The following CPEB3 variants were observed in gnomAD, a reference collection of about 807,000 sequenced individuals.
The protein encoded by CPEB3 is cytoplasmic polyadenylation element-binding protein 3.
CPEB3 carries 20 observed loss-of-function variants against 67.2 expected under a neutral mutation model. The observed-to-expected ratio is 0.30, with a 90% CI of 0.21 to 0.43. The LOEUF is 0.43. Among genes scored for constraint, CPEB3 ranks in the 20% least tolerant of loss-of-function variants. The pLI is 1.00. For synonymous variants in CPEB3, 376 were observed against 393.1 expected (o/e 0.96, Z 0.51); for missense variants, 746 against 968.6 (o/e 0.77, Z 3.05).
chr10:92,178,515 G>A (rs1340898572), intron 4 of CPEB3, among the ~76,000 whole-genome samples: 4 of 151,938 alleles, frequency 2.6e-5, no homozygotes, highest in East Asian at 1.9e-4. Flanking sequence ...GACCAGTCAC[G>A]GACAAAAAGT....
chr10:92,058,865 A>G (rs938736766), intron 9 of CPEB3, among the ~76,000 whole-genome samples: 1 of 152,190 alleles, frequency 6.6e-6, no homozygotes, highest in African/African-American at 2.4e-5. Flanking sequence ...AAGCTACAGA[A>G]TACACGTTCT....
intron 2 of CPEB3, chr10:92,216,422 C>CG: frequency 1.2e-6 from 2 of 1,612,580 alleles, no homozygotes; most frequent in Non-Finnish European, 1.7e-6. Context: ...GCTGGTCAAC[C>CG]AGAACCCCAT....
intron 3 of CPEB3, among the ~76,000 whole-genome samples, chr10:92,183,967 T>C (rs1429373762): frequency 6.6e-6 from 1 of 152,210 alleles, no homozygotes; most frequent in Non-Finnish European, 1.5e-5. Context: ...GTTTCCCAAA[T>C]GTAAAGGGGT....
At chr10:92,280,343 C>CAAAAA (rs60338900) in intron 1 of CPEB3, among the ~76,000 whole-genome samples, 63 of 37,760 alleles carry the variant, frequency 1.7e-3, no homozygotes, top group Middle Eastern at 0.026. Flanking sequence ...AACTCCATCT[C>CAAAAA]AAAAAAAAAA....
intron 9 of CPEB3, among the ~76,000 whole-genome samples, chr10:92,067,742 T>C (rs1269501416): frequency 6.6e-6 from 1 of 152,082 alleles, no homozygotes; most frequent in Non-Finnish European, 1.5e-5. Flanking sequence ...TGCTTGAACC[T>C]GGGAGGCGGA....
intron 9 of CPEB3, among the ~76,000 whole-genome samples, chr10:92,077,620 A>T (rs1842983811): frequency 6.6e-6 from 1 of 152,074 alleles, no homozygotes; most frequent in Non-Finnish European, 1.5e-5. Flanking sequence ...TTAGCCATGC[A>T]TGGTGGTATG....
chr10:92,165,403 CTTTT>C (rs34205234), intron 4 of CPEB3, among the ~76,000 whole-genome samples: 2 of 121,478 alleles, frequency 1.6e-5, no homozygotes, highest in Admixed American at 1.0e-4. Context: ...CTTTTTTCTT[CTTTT>C]TTTTTTTTTT....
chr10:92,082,519 A>T (rs994828567), intron 8 of CPEB3, among the ~76,000 whole-genome samples: 1 of 152,152 alleles, frequency 6.6e-6, no homozygotes, highest in Non-Finnish European at 1.5e-5. Context: ...ACCTCAAGTG[A>T]TCCTCCAGCC....
chr10:92,176,607 G>A (rs548665135), intron 4 of CPEB3, among the ~76,000 whole-genome samples: 13 of 152,330 alleles, frequency 8.5e-5, no homozygotes, highest in East Asian at 1.9e-4. Flanking sequence ...GCAACTTTCC[G>A]ATATTTATCT....
intron 9 of CPEB3, among the ~76,000 whole-genome samples, chr10:92,063,652 T>C (rs2134334406): frequency 6.6e-6 from 1 of 152,090 alleles, no homozygotes; most frequent in Middle Eastern, 3.4e-3. Flanking sequence ...TAGTCTCAGC[T>C]ACTTGGGAGA....
At chr10:92,079,853 T>C (rs576024013) in intron 9 of CPEB3, among the ~76,000 whole-genome samples, 48 of 152,304 alleles carry the variant, frequency 3.2e-4, no homozygotes, top group African/African-American at 1.1e-3. Flanking sequence ...CCCAAGAACA[T>C]TCTTTACTAG....
At chr10:92,265,035 G>A (rs942624876) in intron 1 of CPEB3, among the ~76,000 whole-genome samples, 8 of 151,726 alleles carry the variant, frequency 5.3e-5, no homozygotes, top group South Asian at 4.2e-4. Flanking sequence ...GATGGTGTGC[G>A]CCTGTGGTCC....
At chr10:92,222,319 G>A (rs1850742647) in intron 2 of CPEB3, among the ~76,000 whole-genome samples, 1 of 151,900 alleles carries the variant, frequency 6.6e-6, no homozygotes, top group African/African-American at 2.4e-5. Flanking sequence ...TTACAGGTAT[G>A]AGCCACTGCA....
intron 4 of CPEB3, among the ~76,000 whole-genome samples, chr10:92,171,218 A>AG (rs1847985323): frequency 1.3e-5 from 2 of 152,218 alleles, no homozygotes. Context: ...CTGCTCATTC[A>AG]TATCAGCCCT....
chr10:92,126,210 T>C (rs1272192157), intron 6 of CPEB3, among the ~76,000 whole-genome samples: 1 of 152,164 alleles, frequency 6.6e-6, no homozygotes, highest in Non-Finnish European at 1.5e-5. Flanking sequence ...GGATAATTAG[T>C]AACTTCCACT....
chr10:92,195,056 C>CACACAA (rs1332515929), intron 2 of CPEB3, among the ~76,000 whole-genome samples: 12 of 150,214 alleles, frequency 8.0e-5, no homozygotes, highest in African/African-American at 2.9e-4. Flanking sequence ...AACACACACA[C>CACACAA]ACACACACAC....
At chr10:92,234,860 G>C (rs1178542396) in intron 2 of CPEB3, among the ~76,000 whole-genome samples, 3 of 152,142 alleles carry the variant, frequency 2.0e-5, no homozygotes, top group Non-Finnish European at 2.9e-5. Flanking sequence ...GGGAGGCAGA[G>C]TTTGCAGTGA....
chr10:92,100,698 TCTC>T (rs1173814628), intron 7 of CPEB3, among the ~76,000 whole-genome samples: 1 of 151,568 alleles, frequency 6.6e-6, no homozygotes, highest in Non-Finnish European at 1.5e-5. Flanking sequence ...TTCACACCAT[TCTC>T]CTGCCTCAGC....
In CPEB3 at chr10:92,148,441, A is replaced by C. The variant is rs569783234; in HGVS notation, c.1223-3356T>G. On this transcript the variant is annotated intron_variant, in intron 4 of 9. Transcript: ENST00000265997. ...GTCTTCCTCAGGTTGAACTTTCCTA[A>C]GCCTTTAGATTAGGTTAGATTCCCT... Among the ~76,000 whole-genome samples, 108 of 152,238 alleles carry C rather than the reference A, an allele frequency of 7.1e-4. 1 individual carries two copies. The highest frequency in any genetic ancestry group is 1.4e-3 in the Non-Finnish European group (94 of 68,010).
Sources: allele counts gnomAD v4.1 joint callset (sites outside exome capture counted in the v4.1 genomes callset), GRCh38; gene constraint gnomAD v4.1.1; transcripts MANE v1.5; gene names NCBI Gene and HGNC (gene_info 2026-07-23, HGNC 2026-07-21).